SOS2: variants seen among roughly 807,000 people sequenced by gnomAD.
SOS2 encodes son of sevenless homolog 2.
Under a neutral mutation model 148.2 loss-of-function variants are expected in SOS2, and 65 were observed. The ratio of observed to expected loss-of-function variants is 0.44; its 90% confidence interval spans 0.36 to 0.54. The LOEUF is 0.54. Among genes scored for constraint, SOS2 ranks in the 20% least tolerant of loss-of-function variants. The pLI, the probability that SOS2 is intolerant of heterozygous loss-of-function variation, is 0.00. For missense variants in SOS2, 1,341 were observed against 1,590.2 expected (o/e 0.84, Z 2.67); for synonymous variants, 539 against 537.1 (o/e 1.00, Z -0.05).
At chr14:50,204,511 A>C (rs1305826666) in intron 1 of SOS2, 102 bp from the exon 2 acceptor site, 3 of 690,258 alleles carry the variant, frequency 4.3e-6, no homozygotes, top group Non-Finnish European at 4.8e-6. Flanking sequence ...ATGGTTACTC[A>C]AAACAGACAT....
In SOS2 at chr14:50,139,967, G is replaced by A; in HGVS notation, c.2760C>T (p.Ile920=). The A allele has an allele frequency of 6.3e-7, 1 of 1,585,750 alleles. No homozygotes were observed. Among genetic ancestry groups the A allele is most frequent in the Non-Finnish European group, 8.7e-7 (1 of 1,155,558 alleles). ...FKKYLVKLKS[I]NPPCVPFFGI... The stretch of plus-strand genomic sequence containing the variant: ...CAAAAAAAGGCACACAAGGTGGATT[G>A]ATTGACTTAAGTTTTACTAGGTATT... Residue 920 remains isoleucine, a synonymous_variant, in exon 17 of 23, where the codon ATC becomes ATT. Transcript: ENST00000216373.
At chr14:50,137,798 C>T (rs1884132696) in intron 18 of SOS2, among the ~76,000 whole-genome samples, 1 of 152,058 alleles carries the variant, frequency 6.6e-6, no homozygotes, top group Non-Finnish European at 1.5e-5. Flanking sequence ...AGCATTTATC[C>T]TTTGTATTAT....
At chr14:50,167,595 G>A (rs531660191) in intron 8 of SOS2, among the ~76,000 whole-genome samples, 26 of 151,674 alleles carry the variant, frequency 1.7e-4, no homozygotes, top group African/African-American at 5.1e-4. Context: ...GTAGCCAGGC[G>A]CAATGACTCA....
chr14:50,192,143 C>CAAA (rs201836422), intron 4 of SOS2, among the ~76,000 whole-genome samples: 103 of 118,892 alleles, frequency 8.7e-4, no homozygotes, highest in South Asian at 1.2e-3. Flanking sequence ...GTCCTTGTCA[C>CAAA]AAAAAAAAAA....
At position 50,159,891 on chromosome 14, in the gene SOS2, G is replaced by A. The variant is rs188355135; in HGVS notation, c.1392C>T (p.Gly464=). 23 of 1,614,046 alleles carry A rather than the reference G, an allele frequency of 1.4e-5. No homozygotes were observed. Among genetic ancestry groups the A allele is most frequent in the Admixed American group, 3.3e-5 (2 of 60,004 alleles). Residue 464 remains glycine, a synonymous_variant, in exon 10 of 23, where the codon GGC becomes GGT. Transcript: ENST00000216373. The part of the protein sequence containing the change: ...KHERHIFLFD[G]LMISCKPNHG... ...GATTAGGTTTACAACTGATCATTAA[G>A]CCATCAAACAGAAAAATATGCCGTT...
intron 18 of SOS2, among the ~76,000 whole-genome samples, chr14:50,138,333 A>C (rs1192154474): frequency 6.7e-6 from 1 of 149,444 alleles, no homozygotes; most frequent in African/African-American, 2.5e-5. Context: ...ATTTTTTTTT[A>C]TATTTTTAGT....
chr14:50,212,583 G>A (rs1373908568), intron 1 of SOS2, among the ~76,000 whole-genome samples: 3 of 152,144 alleles, frequency 2.0e-5, no homozygotes, highest in African/African-American at 7.2e-5. Flanking sequence ...GTGTTAAATA[G>A]GTGTTCCTTA....
At chr14:50,210,972 T>C (rs1343180076) in intron 1 of SOS2, among the ~76,000 whole-genome samples, 2 of 152,140 alleles carry the variant, frequency 1.3e-5, no homozygotes, top group Admixed American at 1.3e-4. Flanking sequence ...TCAAAAACTT[T>C]GCCATTAAGT....
At chr14:50,190,768 C>T (rs1008117639) in intron 4 of SOS2, among the ~76,000 whole-genome samples, 1 of 152,148 alleles carries the variant, frequency 6.6e-6, no homozygotes, top group African/African-American at 2.4e-5. Context: ...TCTCAAATCC[C>T]TCCCTTCCCC....
chr14:50,145,686 A>G, intron 14 of SOS2, 90 bp from the exon 15 acceptor site: 1 of 782,788 alleles, frequency 1.3e-6, no homozygotes, highest in Non-Finnish European at 2.1e-6. Context: ...AAGACAATTA[A>G]CCCAAAAGAC....
intron 5 of SOS2, among the ~76,000 whole-genome samples, chr14:50,182,832 G>A (rs939146284): frequency 3.3e-5 from 5 of 152,118 alleles, no homozygotes; most frequent in South Asian, 2.1e-4. Flanking sequence ...GAACTGTCCC[G>A]AGCTAAGCCC....
At chr14:50,133,343 G>A (rs548820247) in intron 19 of SOS2, among the ~76,000 whole-genome samples, 118 of 143,984 alleles carry the variant, frequency 8.2e-4, no homozygotes, top group Middle Eastern at 3.8e-3. Context: ...GCCCCCAGGC[G>A]TGCACCACCA....
intron 7 of SOS2, among the ~76,000 whole-genome samples, chr14:50,175,985 T>C (rs1885510527): frequency 6.6e-6 from 1 of 152,242 alleles, no homozygotes; most frequent in Non-Finnish European, 1.5e-5. Flanking sequence ...TTTGTTATGA[T>C]CTGAATGTTT....
At chr14:50,184,092 A>AT (rs1885833573) in intron 5 of SOS2, among the ~76,000 whole-genome samples, 1 of 152,204 alleles carries the variant, frequency 6.6e-6, no homozygotes, top group Admixed American at 6.5e-5. Flanking sequence ...GTACAGTAAA[A>AT]ATATAGTATA....
At position 50,200,100 on chromosome 14, in the gene SOS2, A is replaced by G. The variant is rs17122291; in HGVS notation, c.346-245T>C. ...AAACAACAACAGTTGATCTTGATAT[A>G]GAAATCTTGGGTTGGACTCCACTAA... On this transcript the variant is annotated intron_variant, in intron 3 of 22. Coordinates refer to ENST00000216373, the MANE Select transcript of SOS2 (RefSeq NM_006939.4). Among the ~76,000 whole-genome samples the G allele has an allele frequency of 9.7e-3, 1,476 of 152,280 alleles. 29 individuals carry two copies. The highest frequency in any genetic ancestry group is 0.034 in the African/African-American group (1,399 of 41,550).
chr14:50,174,474 G>C lies in SOS2; in HGVS notation c.1048C>G (p.His350Asp), dbSNP rs1397866048. ...CTTACCTTTAGTAACTCAAAGTAGT[G>C]CCAACAGTGATACACTGGCACCAGC... Reference protein sequence around the residue: ...LMLVPVYHCWHYFELLKQLKA... With the variant: ...LMLVPVYHCWDYFELLKQLKA... Residue 350 changes from histidine (H) to aspartate (D), a missense_variant, in exon 8 of 23, where the codon CAC becomes GAC. Physicochemically the swap from His to Asp is moderately conservative, Grantham distance 81 (BLOSUM62 -1). Transcript: ENST00000216373. The C allele has an allele frequency of 6.2e-7, 1 of 1,603,176 alleles. No individual in the cohort carries two copies. The highest frequency in any genetic ancestry group is 8.5e-7 in the Non-Finnish European group (1 of 1,171,948).
At chr14:50,122,392 T>TTTTTTTTTTTTTTC (rs1491397555) in intron 21 of SOS2, among the ~76,000 whole-genome samples, 3 of 6,160 alleles carry the variant, frequency 4.9e-4, no homozygotes, top group African/African-American at 2.2e-3. Context: ...AACCCTGGGC[T>TTTTTTTTTTTTTTC]TTTTTTTTTT....
At chr14:50,142,472 G>A (rs1472368120) in intron 16 of SOS2, among the ~76,000 whole-genome samples, 1 of 152,040 alleles carries the variant, frequency 6.6e-6, no homozygotes, top group Non-Finnish European at 1.5e-5. Context: ...AATGTTAAAA[G>A]AGGAGTATGT....
At chr14:50,225,090 T>C (rs1887327849) in intron 1 of SOS2, among the ~76,000 whole-genome samples, 1 of 152,260 alleles carries the variant, frequency 6.6e-6, no homozygotes, top group East Asian at 1.9e-4. Flanking sequence ...TTGAAAAAAC[T>C]TTGTACTAGC....
Sources: allele counts gnomAD v4.1 joint callset (sites outside exome capture counted in the v4.1 genomes callset), GRCh38; gene constraint gnomAD v4.1.1; transcripts MANE v1.5; gene names NCBI Gene and HGNC (gene_info 2026-07-23, HGNC 2026-07-21).